Variants in TFG observed in about 807,000 individuals in gnomAD.
The protein encoded by TFG is trafficking from ER to golgi regulator.
Under a neutral mutation model 51.4 loss-of-function variants are expected in TFG, and 22 were observed. The ratio of observed to expected loss-of-function variants is 0.43; its 90% CI spans 0.31 to 0.61. The LOEUF (loss-of-function observed/expected upper bound fraction) is 0.61. Among genes scored for constraint, TFG ranks in the 20% least tolerant of loss-of-function variants. The pLI is 0.12. For synonymous variants in TFG, 187 were observed against 165.6 expected (o/e 1.13, Z -0.99); for missense variants, 419 against 487.7 (o/e 0.86, Z 1.33).
chr3:100,724,764 G>A (rs2095070290), intron 3 of TFG, among the ~76,000 whole-genome samples: 1 of 152,158 alleles, frequency 6.6e-6, no homozygotes, highest in Non-Finnish European at 1.5e-5. Flanking sequence ...CACCCAAGGA[G>A]TCTAAGATTG....
chr3:100,743,510 C>T (rs1256847303), intron 6 of TFG: 1 of 152,006 alleles, frequency 6.6e-6, no homozygotes, highest in African/African-American at 2.4e-5. Flanking sequence ...ATTTAAGAAA[C>T]TTTTGTAAGC....
In TFG at chr3:100,736,557, CTTTT is replaced by C. The variant is rs752280328; in HGVS notation, c.581-14_581-11del. ...GGCCTTGTGTTGGATACTAAACTGA[CTTTT>C]TTTTGACTATCCAGGGCCACCCAGT... On this transcript the variant is annotated splice_polypyrimidine_tract_variant and intron_variant, in intron 5 of 7. Coordinates refer to ENST00000240851, the MANE Select transcript of TFG (RefSeq NM_006070.6). The C allele has an allele frequency of 2.5e-6, 4 of 1,610,578 alleles. No homozygotes were observed. The South Asian group carries it at 3.3e-5, about 13-fold the overall frequency.
chr3:100,748,433 A>G lies in TFG; in HGVS notation c.1105A>G (p.Ser369Gly). 6.2e-7 allele frequency: 1 copy of G among 1,614,106 alleles called. No individual in the cohort carries two copies. The change falls in exon 8 of 8, where the codon AGT becomes GGT. Residue 369 changes from serine (S) to glycine (G), a missense_variant. Ser to Gly is a moderately conservative substitution (Grantham distance 56). Transcript: ENST00000240851. ...PRPGFTSLPG[S>G]TMTPPPSGPN... ...ACCAGGTTTTACTTCACTTCCTGGA[A>G]GTACCATGACCCCTCCTCCAAGTGG...
chr3:100,734,589 AGTTATTTC>A (rs1466829423), intron 5 of TFG, among the ~76,000 whole-genome samples: 3 of 152,072 alleles, frequency 2.0e-5, no homozygotes, highest in African/African-American at 7.2e-5. Flanking sequence ...ATTGACTTTC[AGTTATTTC>A]AAATAGTTTC....
chr3:100,743,252 G>A (rs1033105322), intron 6 of TFG: 5 of 152,018 alleles, frequency 3.3e-5, no homozygotes, highest in African/African-American at 9.7e-5. Flanking sequence ...TTTATTGCCT[G>A]TTTGCTTATT....
intron 5 of TFG, among the ~76,000 whole-genome samples, chr3:100,733,775 A>G (rs2095098329): frequency 6.6e-6 from 1 of 152,180 alleles, no homozygotes; most frequent in South Asian, 2.1e-4. Flanking sequence ...CAGGGAGTTG[A>G]TTTGTATGGA....
intron 2 of TFG, among the ~76,000 whole-genome samples, chr3:100,714,236 A>C (rs1272825954): frequency 2.0e-5 from 3 of 152,066 alleles, no homozygotes; most frequent in Non-Finnish European, 4.4e-5. Flanking sequence ...GCAGCAGCTC[A>C]TGCCTGTAAT....
intron 6 of TFG, chr3:100,744,169 A>C (rs2095128953): frequency 1.3e-5 from 2 of 152,326 alleles, no homozygotes; most frequent in African/African-American, 4.8e-5. Context: ...AAATAGGACA[A>C]ATAGGACTCC....
chr3:100,729,387 C>T (rs1454225662), intron 4 of TFG, among the ~76,000 whole-genome samples: 2 of 151,908 alleles, frequency 1.3e-5, no homozygotes, highest in Non-Finnish European at 2.9e-5. Flanking sequence ...AATTTTTTCC[C>T]CATTGTATAA....
At chr3:100,717,575 C>A (rs2095049615) in intron 2 of TFG, among the ~76,000 whole-genome samples, 1 of 110,734 alleles carries the variant, frequency 9.0e-6, no homozygotes. Flanking sequence ...TTTCTTTCAT[C>A]AGTGTTTTTT....
intron 4 of TFG, among the ~76,000 whole-genome samples, chr3:100,731,092 T>C (rs570933424): frequency 2.6e-5 from 4 of 152,330 alleles, no homozygotes; most frequent in Middle Eastern, 3.4e-3. Flanking sequence ...TGGGTACTTA[T>C]ATTCGGTTTA....
chr3:100,721,646 GAAGA>G (rs2095061065), intron 3 of TFG, among the ~76,000 whole-genome samples: 1 of 152,102 alleles, frequency 6.6e-6, no homozygotes, highest in African/African-American at 2.4e-5. Flanking sequence ...AAAAATCTCA[GAAGA>G]AAGGCCAAAA....
intron 1 of TFG, among the ~76,000 whole-genome samples, chr3:100,711,878 G>A (rs2095032359): frequency 6.6e-6 from 1 of 152,086 alleles, no homozygotes; most frequent in South Asian, 2.1e-4. Context: ...TATTTAATAA[G>A]TAGTTCCTGA....
intron 3 of TFG, among the ~76,000 whole-genome samples, chr3:100,721,018 AT>A: frequency 6.6e-6 from 1 of 152,134 alleles, no homozygotes; most frequent in African/African-American, 2.4e-5. Context: ...ATTTGTATCT[AT>A]TTCATCTCCA....
At chr3:100,747,131 A>G (rs2095136905) in intron 7 of TFG, among the ~76,000 whole-genome samples, 1 of 152,134 alleles carries the variant, frequency 6.6e-6, no homozygotes, top group Non-Finnish European at 1.5e-5. Context: ...AATTTGATTG[A>G]GAGATATGGA....
intron 3 of TFG, among the ~76,000 whole-genome samples, chr3:100,721,888 C>T (rs932633018): frequency 3.3e-5 from 5 of 152,228 alleles, no homozygotes; most frequent in East Asian, 3.8e-4. Context: ...TGGTGGCTCA[C>T]GCCTGTAATT....
chr3:100,724,849 A>T (rs1345406960), intron 3 of TFG, among the ~76,000 whole-genome samples: 1 of 152,222 alleles, frequency 6.6e-6, no homozygotes, highest in Non-Finnish European at 1.5e-5. Context: ...CTCTAGATAA[A>T]GAAAAGCCAT....
intron 3 of TFG, among the ~76,000 whole-genome samples, chr3:100,727,848 T>A (rs2095080222): frequency 6.6e-6 from 1 of 152,160 alleles, no homozygotes; most frequent in Non-Finnish European, 1.5e-5. Context: ...TTTTTAAAAT[T>A]TTTTGAGACA....
chr3:100,718,399 C>CT (rs984158429), intron 2 of TFG, among the ~76,000 whole-genome samples: 5 of 151,760 alleles, frequency 3.3e-5, no homozygotes, highest in African/African-American at 4.8e-5. Context: ...TCTGTCTCAT[C>CT]TTTTTTTTAC....
Sources: allele counts gnomAD v4.1 joint callset (sites outside exome capture counted in the v4.1 genomes callset), GRCh38; gene constraint gnomAD v4.1.1; transcripts MANE v1.5; gene names NCBI Gene and HGNC (gene_info 2026-07-23, HGNC 2026-07-21).